ABHD1: variants seen among roughly 807,000 people sequenced by gnomAD.
ABHD1 encodes the protein abhydrolase domain containing 1.
ABHD1 carries 47 observed loss-of-function variants against 41.4 expected under a neutral mutation model. That is an observed-to-expected ratio of 1.13 (90% CI 0.90 to 1.45). The LOEUF is 1.45. Among genes scored for constraint, ABHD1 ranks in the 40% most tolerant of loss-of-function variants. The probability of loss-of-function intolerance (pLI) is 0.00; values close to 1 mark genes in which losing one functional copy is unlikely to be tolerated. For synonymous variants in ABHD1, 205 were observed against 203.7 expected, an observed-to-expected ratio of 1.01 and a Z score of -0.05; for missense variants, 550 against 503.4, an observed-to-expected ratio of 1.09 and a Z score of -0.89.
chr2:27,128,792 A>G (rs1438382293), intron 2 of ABHD1, among the ~76,000 whole-genome samples, 153 bp from the exon 3 acceptor site: 2 of 152,232 alleles, frequency 1.3e-5, no homozygotes, highest in African/African-American at 4.8e-5. Context: ...CCCATCACAC[A>G]TTGTCAAGCC....
intron 2 of ABHD1, 96 bp downstream of exon 2, chr2:27,128,697 C>A: frequency 6.6e-7 from 1 of 1,512,280 alleles, no homozygotes; most frequent in Non-Finnish European, 9.0e-7. Context: ...GCCTCATCTA[C>A]ATCCCTGTGT....
chr2:27,129,358 G>A lies in ABHD1; in HGVS notation c.501G>A (p.Leu167=), dbSNP rs752427533. 1.1e-5 allele frequency: 17 copies of A among 1,614,134 alleles called. No homozygotes were observed. The highest frequency in any genetic ancestry group is 3.3e-4 in the Middle Eastern group (2 of 6,046). The change falls in exon 4 of 9, where the codon CTG becomes CTA. Residue 167 remains leucine (L), a synonymous_variant. Transcript: ENST00000316470. ...FNNRGCRGEE[L]RTHRAFCASN... Reference sequence around the variant, plus strand: ...ACCGGGGCTGCCGTGGGGAGGAACTGCGGGTGAGTAGCTGCCTTCCTCATA... The same window carrying A: ...ACCGGGGCTGCCGTGGGGAGGAACTACGGGTGAGTAGCTGCCTTCCTCATA...
At position 27,129,308 on chromosome 2, in the gene ABHD1, T is replaced by C. The variant is rs778896778; in HGVS notation, c.459-8T>C. ...GGTCTGGCTAAGATGTACCTGTGTG[T>C]GCCACAGGGCTGTCGTGTTTAACAA... On this transcript the variant is annotated splice_region_variant and splice_polypyrimidine_tract_variant and intron_variant, in intron 3 of 8. Transcript: ENST00000316470. 15 of 1,614,032 alleles carry C rather than the reference T, an allele frequency of 9.3e-6. No individual in the cohort carries two copies. The Admixed American group carries it at 1.0e-4, about 11-fold the overall frequency.
intron 6 of ABHD1, 23 bp downstream of exon 6, chr2:27,129,950 G>A (rs759683962): frequency 2.5e-6 from 4 of 1,613,702 alleles, no homozygotes; most frequent in Non-Finnish European, 3.4e-6. Context: ...CAAGTGGGAG[G>A]AGGCAGTAGA....
intron 1 of ABHD1, chr2:27,125,137 CA>C (rs56094247): frequency 0.036 from 3,613 of 100,198 alleles, 135 homozygotes; most frequent in African/African-American, 0.11. Flanking sequence ...AACTCCGTCT[CA>C]AAAAAAAAAA....
At position 27,129,352 on chromosome 2, in the gene ABHD1, G is replaced by C; in HGVS notation, c.495G>C (p.Glu165Asp). 1 of 1,614,148 alleles carries C rather than the reference G, an allele frequency of 6.2e-7. No homozygotes were observed. The highest frequency in any genetic ancestry group is 1.3e-5 in the African/African-American group (1 of 75,030). ...VVFNNRGCRG[E>D]ELRTHRAFCA... ...TTAACAACCGGGGCTGCCGTGGGGA[G>C]GAACTGCGGGTGAGTAGCTGCCTTC... Residue 165 changes from glutamate (E) to aspartate (D), a missense_variant, in exon 4 of 9, where the codon GAG (glutamate) becomes GAC (aspartate). Coordinates refer to ENST00000316470, the MANE Select transcript of ABHD1 (RefSeq NM_032604.4).
At chr2:27,124,928 G>C (rs1315907029) in intron 1 of ABHD1, 1 of 152,296 alleles carries the variant, frequency 6.6e-6, no homozygotes, top group Admixed American at 6.5e-5. Flanking sequence ...ATCGCCTGAG[G>C]TCGGGAGTTC....
Position 27,130,710 on chromosome 2 carries a change from G to C in ABHD1, c.1184G>C (p.Arg395Thr). 6.2e-7 allele frequency: 1 copy of C among 1,614,190 alleles called. No individual in the cohort carries two copies. Among genetic ancestry groups the C allele is most frequent in the South Asian group, 1.1e-5 (1 of 91,086 alleles). Residue 395 changes from arginine to threonine, a missense_variant, in exon 9 of 9, where the codon AGG becomes ACG. Arg to Thr is a moderately conservative substitution (Grantham distance 71, BLOSUM62 -1). Transcript: ENST00000316470. ...FQDPEGLPDL[R>T]ALLPSEDRNS is the part of the protein sequence containing the mutation. ...GACCCAGAGGGGCTGCCTGACCTCA[G>C]GGCTCTCTTACCTTCTGAGGACAGA...
rs540147379 is a variant in ABHD1, at chr2:27,130,284, A to T, written c.874A>T (p.Thr292Ser). Residue 292 changes from threonine to serine, a missense_variant, in exon 8 of 9, where the codon ACA becomes TCA. By Grantham distance (58) the Thr-to-Ser change is moderately conservative. Transcript: ENST00000316470. ...AATCCGCCAGTTTGATGAGCGCTACACATCTGTGGCCTTTGGATATCAAGA... is the reference window on the plus strand; with the variant it reads ...AATCCGCCAGTTTGATGAGCGCTACTCATCTGTGGCCTTTGGATATCAAGA... ...RTIRQFDERYTSVAFGYQDCV... is the reference protein window; with the variant it reads ...RTIRQFDERYSSVAFGYQDCV... The T allele has an allele frequency of 1.2e-6, 2 of 1,614,210 alleles. No homozygotes were observed. Among genetic ancestry groups the T allele is most frequent in the Non-Finnish European group, 8.5e-7 (1 of 1,180,020 alleles).
Position 27,130,121 on chromosome 2 carries a change from G to C in ABHD1, c.808G>C (p.Glu270Gln). Residue 270 changes from glutamate to glutamine, a missense_variant, in exon 7 of 9, where the codon GAA (glutamate) becomes CAA (glutamine). Glu to Gln is a conservative substitution (Grantham distance 29). Coordinates refer to ENST00000316470, the MANE Select transcript of ABHD1 (RefSeq NM_032604.4). ...QLVERNRKVIEKVVDIDFVLQ... is the reference protein window; with the variant it reads ...QLVERNRKVIQKVVDIDFVLQ... ...CTTTTGCAGAAACAGAAAGGTGATT[G>C]AAAAGGTGGTGGACATAGACTTTGT... 6.2e-7 allele frequency: 1 copy of C among 1,614,196 alleles called. No homozygotes were observed. Among genetic ancestry groups the C allele is most frequent in the Non-Finnish European group, 8.5e-7 (1 of 1,180,048 alleles).
Position 27,129,848 on chromosome 2 carries a change from A to C in ABHD1, c.712A>C (p.Thr238Pro), listed in dbSNP as rs1672152072. Residue 238 changes from threonine to proline, a missense_variant, in exon 6 of 9, where the codon ACT (threonine) becomes CCT (proline). Thr to Pro is a conservative substitution (Grantham distance 38, BLOSUM62 -1). Coordinates refer to ENST00000316470, the MANE Select transcript of ABHD1 (RefSeq NM_032604.4). ...LSACWDSFET[T>P]RSLETPLNSL... is the part of the protein sequence containing the mutation. ...TGCATGCTGGGATTCCTTTGAGACC[A>C]CTCGCTCCCTGGAAACCCCACTCAA... is the stretch of plus-strand genomic sequence containing the variant. The C allele has an allele frequency of 1.9e-6, 3 of 1,613,866 alleles. No homozygotes were observed. In the East Asian group the frequency reaches 6.7e-5, roughly 36 times the overall value.
Position 27,130,572 on chromosome 2 carries a change from C to A in ABHD1, c.1046C>A (p.Ala349Glu). The change falls in exon 9 of 9, where the codon GCG (alanine) becomes GAG (glutamate). Residue 349 changes from alanine (A) to glutamate (E), a missense_variant. Transcript: ENST00000316470. ...GCCGCCCAACACTCCCCCTACGTTG[C>A]GCTGCTCATCACAGCCCGGGGTGGC... ...IQAAQHSPYV[A>E]LLITARGGHI... 1 of 1,614,186 alleles carries A rather than the reference C, an allele frequency of 6.2e-7. No individual in the cohort carries two copies. The highest frequency in any genetic ancestry group is 1.1e-5 in the South Asian group (1 of 91,078).
intron 7 of ABHD1, 31 bp from the exon 8 acceptor site, chr2:27,130,220 A>T (rs376300251): frequency 3.3e-4 from 529 of 1,614,124 alleles, no homozygotes; most frequent in Middle Eastern, 1.5e-3. Flanking sequence ...ATTCTTTATC[A>T]TCTTAGCCTA....
At chr2:27,127,320 C>T (rs1253711850) in intron 1 of ABHD1, among the ~76,000 whole-genome samples, 1 of 141,312 alleles carries the variant, frequency 7.1e-6, no homozygotes, top group Non-Finnish European at 1.5e-5. Flanking sequence ...TTTGGGAGGC[C>T]GAGGCGGGCG....
intron 1 of ABHD1, chr2:27,124,392 T>C: frequency 2.6e-6 from 1 of 390,256 alleles, no homozygotes. Context: ...GTCTTTCAGC[T>C]GCACTGAAGG....
Position 27,123,924 on chromosome 2 carries a change from G to A in ABHD1, c.-25G>A. ...GCCAACTGGGGCCAGCCAGGAGCCTGAGGGTCGGAAGCCCCCAACACAAGA... is the reference window on the plus strand; with the variant it reads ...GCCAACTGGGGCCAGCCAGGAGCCTAAGGGTCGGAAGCCCCCAACACAAGA... On this transcript the variant is annotated 5_prime_UTR_variant, in exon 1 of 9. The change abolishes the stop of an existing upstream ORF in the 5' untranslated region. Transcript: ENST00000316470. The A allele has an allele frequency of 6.2e-7, 1 of 1,605,790 alleles. No individual in the cohort carries two copies. The highest frequency in any genetic ancestry group is 8.5e-7 in the Non-Finnish European group (1 of 1,172,658).
Position 27,128,617 on chromosome 2 carries a change from A to G in ABHD1, c.275+16A>G, listed in dbSNP as rs752880257. On this transcript the variant is annotated intron_variant, in intron 2 of 8. Coordinates refer to ENST00000316470, the MANE Select transcript of ABHD1 (RefSeq NM_032604.4). Reference sequence around the variant, plus strand: ...TTTATCAGAGGTAAGAAGGGACAGAACAGGGTGAACATGAAACCCCAGGTA... The same window carrying G: ...TTTATCAGAGGTAAGAAGGGACAGAGCAGGGTGAACATGAAACCCCAGGTA... 1 of 1,610,060 alleles carries G rather than the reference A, an allele frequency of 6.2e-7. No homozygotes were observed. The highest frequency in any genetic ancestry group is 8.5e-7 in the Non-Finnish European group (1 of 1,176,638).
chr2:27,129,179 G>C, intron 3 of ABHD1, 52 bp downstream of exon 3: 1 of 1,597,446 alleles, frequency 6.3e-7, no homozygotes, highest in Non-Finnish European at 8.6e-7. Context: ...ACGTGTATTA[G>C]GGAGAAGTCA....
In ABHD1 at chr2:27,129,770, C is replaced by T. The variant is rs748551971; in HGVS notation, c.634C>T (p.His212Tyr). ...ISFGGILVLN[H>Y]LAQARQAAGL... is the part of the protein sequence containing the mutation. Reference sequence around the variant, plus strand: ...ATTCCACAGGATACTGGTGCTGAATCACCTGGCACAGGCCAGGCAGGCTGC... The same window carrying T: ...ATTCCACAGGATACTGGTGCTGAATTACCTGGCACAGGCCAGGCAGGCTGC... The change falls in exon 6 of 9, where the codon CAC becomes TAC. Residue 212 changes from histidine to tyrosine, a missense_variant. By Grantham distance (83) the His-to-Tyr change is moderately conservative. Coordinates refer to ENST00000316470, the MANE Select transcript of ABHD1 (RefSeq NM_032604.4). 5 of 1,614,160 alleles carry T rather than the reference C, an allele frequency of 3.1e-6. No homozygotes were observed. The highest frequency in any genetic ancestry group is 4.2e-6 in the Non-Finnish European group (5 of 1,180,030).
Sources: allele counts gnomAD v4.1 joint callset (sites outside exome capture counted in the v4.1 genomes callset), GRCh38; gene constraint gnomAD v4.1.1; transcripts MANE v1.5; gene names NCBI Gene and HGNC (gene_info 2026-07-23, HGNC 2026-07-21).